SLC9A8: variants seen among roughly 807,000 people sequenced by gnomAD.
SLC9A8 encodes solute carrier family 9 member A8, also known as sodium/hydrogen exchanger 8.
A neutral mutation model predicts 66.6 loss-of-function variants in SLC9A8; 48 were observed. The ratio of observed to expected loss-of-function variants is 0.72; its 90% CI spans 0.57 to 0.92. The LOEUF (loss-of-function observed/expected upper bound fraction) is 0.92, where lower values mean the gene tolerates loss of function less well. Among genes scored for constraint, SLC9A8 ranks in the 40% least tolerant of loss-of-function variants. SLC9A8 has a pLI of 0.00. For synonymous variants in SLC9A8, 274 were observed against 282.6 expected, an observed-to-expected ratio of 0.97 and a Z score of 0.31; for missense variants, 599 against 747.3, an observed-to-expected ratio of 0.80 and a Z score of 2.31.
At chr20:49,874,608 C>A (rs963707661) in intron 10 of SLC9A8, 97 bp from the exon 11 acceptor site, 4 of 774,670 alleles carry the variant, frequency 5.2e-6, no homozygotes, top group African/African-American at 3.5e-5. Flanking sequence ...TTTCTTAAAC[C>A]CTCTAATGCT....
At chr20:49,843,952 C>T (rs992661944) in intron 4 of SLC9A8, among the ~76,000 whole-genome samples, 3 of 152,022 alleles carry the variant, frequency 2.0e-5, no homozygotes, top group African/African-American at 4.8e-5. Context: ...GTCCCATCCC[C>T]GCCCCCCCTT....
Position 49,884,136 on chromosome 20 carries a change from C to G in SLC9A8, c.1491+70C>G, listed in dbSNP as rs546077773. 4 of 1,389,544 alleles carry G rather than the reference C, an allele frequency of 2.9e-6. No homozygotes were observed. The East Asian group carries it at 9.3e-5, about 32-fold the overall frequency. The allele number at this position is 1,389,544 out of a possible 1,614,324, so 86.1% of individuals were successfully genotyped here. A position where few individuals can be genotyped will look rare whatever the true frequency, so the allele number is the denominator to read the frequency against. On this transcript the variant is annotated intron_variant, in intron 14 of 15. Coordinates refer to ENST00000361573, the MANE Select transcript of SLC9A8 (RefSeq NM_015266.3). The stretch of plus-strand genomic sequence containing the variant: ...CTACGCAGCTGGTGGTCCCCACTGT[C>G]AGGAAATGGGGAGATGAGCCTTGCT...
At chr20:49,850,960 G>C (rs898905311) in intron 7 of SLC9A8, 116 bp downstream of exon 7, 4 of 658,258 alleles carry the variant, frequency 6.1e-6, no homozygotes, top group Non-Finnish European at 7.4e-6. Context: ...ATTTATTTTT[G>C]GTAAGGATTT....
In SLC9A8 at chr20:49,855,594, G is replaced by A. The variant is rs766490677; in HGVS notation, c.713+13G>A. On this transcript the variant is annotated intron_variant, in intron 8 of 15. Coordinates refer to ENST00000361573, the MANE Select transcript of SLC9A8 (RefSeq NM_015266.3). ...TTGTTCTGACCAAGTAAGTACGGGG[G>A]CAGAGAACAGACTTTTTTCATGTGA... is the stretch of plus-strand genomic sequence containing the variant. 6.2e-7 allele frequency: 1 copy of A among 1,611,580 alleles called. No homozygotes were observed. The highest frequency in any genetic ancestry group is 8.5e-7 in the Non-Finnish European group (1 of 1,178,800).
chr20:49,849,749 G>T, intron 6 of SLC9A8, 69 bp downstream of exon 6: 1 of 1,216,168 alleles, frequency 8.2e-7, no homozygotes, highest in Non-Finnish European at 1.2e-6. Context: ...GAGGTGGGAA[G>T]GTGAAATGGG....
intron 14 of SLC9A8, among the ~76,000 whole-genome samples, chr20:49,884,886 C>G (rs557599882): frequency 3.3e-5 from 5 of 152,354 alleles, no homozygotes; most frequent in African/African-American, 9.6e-5. Flanking sequence ...GCTGTAGGCT[C>G]CAGCCCAGAG....
intron 10 of SLC9A8, among the ~76,000 whole-genome samples, chr20:49,868,197 T>C (rs1398361975): frequency 1.3e-5 from 2 of 152,230 alleles, no homozygotes; most frequent in Non-Finnish European, 2.9e-5. Context: ...TTGGAATCTG[T>C]GATTAAAATA....
intron 3 of SLC9A8, chr20:49,829,363 CAA>C (rs879443252): frequency 6.7e-5 from 10 of 148,926 alleles, no homozygotes; most frequent in East Asian, 2.0e-4. Context: ...ACTAAAAATA[CAA>C]AAAAAAAAAA....
At chr20:49,850,181 C>G (rs1417115680) in intron 6 of SLC9A8, among the ~76,000 whole-genome samples, 1 of 152,230 alleles carries the variant, frequency 6.6e-6, no homozygotes, top group Non-Finnish European at 1.5e-5. Context: ...ATTATATACT[C>G]TGGATTTTCC....
chr20:49,850,622 T>C (rs766317543), intron 6 of SLC9A8, 188 bp from the exon 7 acceptor site: 63 of 602,962 alleles, frequency 1.0e-4, no homozygotes, highest in Non-Finnish European at 1.6e-4. Context: ...TTCCATACTC[T>C]CGTTGCATGC....
chr20:49,860,004 G>A (rs776393206), intron 8 of SLC9A8, among the ~76,000 whole-genome samples: 18 of 152,156 alleles, frequency 1.2e-4, no homozygotes, highest in Non-Finnish European at 2.2e-4. Flanking sequence ...CTTACCCAGT[G>A]ACTCACTCTC....
chr20:49,815,327 G>C (rs2086509791), intron 2 of SLC9A8, 138 bp downstream of exon 2: 1 of 611,042 alleles, frequency 1.6e-6, no homozygotes, highest in Non-Finnish European at 2.7e-6. Flanking sequence ...GAGGGAACAT[G>C]ATCAGTTTAT....
intron 2 of SLC9A8, among the ~76,000 whole-genome samples, chr20:49,822,647 T>C (rs531079072): frequency 3.3e-5 from 5 of 152,194 alleles, no homozygotes; most frequent in African/African-American, 1.2e-4. Flanking sequence ...ATTAGTTGGG[T>C]GTGGTGTCAT....
chr20:49,874,637 C>A, intron 10 of SLC9A8, 68 bp from the exon 11 acceptor site: 2 of 983,640 alleles, frequency 2.0e-6, no homozygotes, highest in Non-Finnish European at 3.3e-6. Context: ...CAGGGCCTTG[C>A]AGGCATTGTG....
At chr20:49,872,879 C>T (rs1048422750) in intron 10 of SLC9A8, among the ~76,000 whole-genome samples, 3 of 152,222 alleles carry the variant, frequency 2.0e-5, no homozygotes, top group Non-Finnish European at 4.4e-5. Context: ...TAAAGTTTGA[C>T]TTGGAATTAG....
rs2088819365 is a variant in SLC9A8 at position 49,863,193 on chromosome 20, T to C, written c.852+126T>C. The C allele has an allele frequency of 5.0e-6, 4 of 803,032 alleles. No homozygotes were observed. In the South Asian group the frequency reaches 8.4e-5, roughly 17 times the overall value. 49.7% of individuals were successfully genotyped at this position (803,032 alleles called of 1,614,324 possible). On this transcript the variant is annotated intron_variant, in intron 9 of 15. Coordinates refer to ENST00000361573, the MANE Select transcript of SLC9A8 (RefSeq NM_015266.3). ...GAAGATTTTGCTTAAAGGAGGATTT[T>C]TTTGCTTAGTTTTTGTTTGAGAAAC...
At position 49,815,832 on chromosome 20, in the gene SLC9A8, AG is replaced by A. The variant is rs147403274; in HGVS notation, c.208+648del. Among the ~76,000 whole-genome samples the A allele has an allele frequency of 3.9e-3, 591 of 152,190 alleles. 5 individuals are homozygous for A. The highest frequency in any genetic ancestry group is 0.013 in the African/African-American group (554 of 41,530). ...GCACCTGTGCAGGGGATGAAGGAGCAGGGGGTGGGGTGGCAGGAGGTGGGAG... is the reference window on the plus strand; with the variant it reads ...GCACCTGTGCAGGGGATGAAGGAGCAGGGGTGGGGTGGCAGGAGGTGGGAG... On this transcript the variant is annotated intron_variant, in intron 2 of 15. Transcript: ENST00000361573.
chr20:49,885,331 CTTAT>C (rs1040159875), intron 14 of SLC9A8, among the ~76,000 whole-genome samples: 48 of 152,144 alleles, frequency 3.2e-4, no homozygotes, highest in Non-Finnish European at 1.2e-4. Context: ...TGTGTTTCTT[CTTAT>C]TTATTTTTGA....
intron 10 of SLC9A8, among the ~76,000 whole-genome samples, chr20:49,868,399 G>A (rs898429953): frequency 1.4e-4 from 22 of 152,178 alleles, no homozygotes; most frequent in Non-Finnish European, 3.1e-4. Context: ...TCAGAGAGGG[G>A]CAGGATGGCC....
Sources: allele counts gnomAD v4.1 joint callset (sites outside exome capture counted in the v4.1 genomes callset), GRCh38; gene constraint gnomAD v4.1.1; transcripts MANE v1.5; gene names NCBI Gene and HGNC (gene_info 2026-07-23, HGNC 2026-07-21).